ENPP6: variants seen among roughly 807,000 people sequenced by gnomAD.
ENPP6 encodes ectonucleotide pyrophosphatase/phosphodiesterase 6, also known as glycerophosphocholine cholinephosphodiesterase ENPP6.
In ENPP6, 32 loss-of-function variants were observed where a neutral mutation model predicts 42.0. That is an observed-to-expected ratio of 0.76 (90% CI 0.58 to 1.02). ENPP6 has a LOEUF of 1.02. Among genes scored for constraint, ENPP6 ranks in the 50% least tolerant of loss-of-function variants. The pLI is 0.00. For missense variants in ENPP6, 552 were observed against 566.8 expected (o/e 0.97, Z 0.27); for synonymous variants, 213 against 216.0 (o/e 0.99, Z 0.12).
At chr4:184,194,049 G>T (rs1429457838) in intron 1 of ENPP6, among the ~76,000 whole-genome samples, 1 of 152,014 alleles carries the variant, frequency 6.6e-6, no homozygotes, top group Non-Finnish European at 1.5e-5. Flanking sequence ...TGTCTCCTTT[G>T]ATACCTCTTC....
At chr4:184,125,720 G>C (rs1415917948) in intron 2 of ENPP6, among the ~76,000 whole-genome samples, 1 of 152,144 alleles carries the variant, frequency 6.6e-6, no homozygotes, top group Non-Finnish European at 1.5e-5. Flanking sequence ...TACAATCACT[G>C]TGACAGAACT....
chr4:184,217,862 C>G lies in ENPP6; in HGVS notation c.-43G>C, dbSNP rs1313284240. On this transcript the variant is annotated 5_prime_UTR_variant, in exon 1 of 8. Transcript: ENST00000296741. The stretch of plus-strand genomic sequence containing the variant: ...AGAGCCCGGCTGGCACAGCTGTCGC[C>G]TTGCAAAGACTGAGGATGGAGAATC... 6.3e-7 allele frequency: 1 copy of G among 1,595,038 alleles called. No homozygotes were observed. The highest frequency in any genetic ancestry group is 1.8e-5 in the Admixed American group (1 of 56,840).
Position 184,140,508 on chromosome 4 carries a change from A to G in ENPP6, c.421+13046T>C, listed in dbSNP as rs1311084696. Among the ~76,000 whole-genome samples, 11 of 145,988 alleles carry G rather than the reference A, an allele frequency of 7.5e-5. No individual in the cohort carries two copies. The South Asian group carries it at 1.8e-3, about 24-fold the overall frequency. ...CAAACTATACTACAAGGCTACAGTA[A>G]CCAAAACAGCATGGTACTGGTACCA... On this transcript the variant is annotated intron_variant, in intron 2 of 7. Coordinates refer to ENST00000296741, the MANE Select transcript of ENPP6 (RefSeq NM_153343.4).
chr4:184,158,449 G>A (rs927127954), intron 1 of ENPP6, among the ~76,000 whole-genome samples: 1 of 152,192 alleles, frequency 6.6e-6, no homozygotes, highest in Non-Finnish European at 1.5e-5. Context: ...ACTTAAAAAT[G>A]TTTGTCAAAA....
intron 6 of ENPP6, among the ~76,000 whole-genome samples, chr4:184,102,107 T>G (rs1164209049): frequency 1.3e-5 from 2 of 152,220 alleles, no homozygotes; most frequent in Admixed American, 6.5e-5. Flanking sequence ...CAATCATCCT[T>G]AGCATTAAAA....
At chr4:184,142,363 C>T (rs1281146177) in intron 2 of ENPP6, among the ~76,000 whole-genome samples, 1 of 152,202 alleles carries the variant, frequency 6.6e-6, no homozygotes, top group Admixed American at 6.5e-5. Context: ...AACAGCTAAG[C>T]CAATTAACTC....
At chr4:184,157,774 ATTTT>A (rs34358499) in intron 1 of ENPP6, among the ~76,000 whole-genome samples, 7 of 122,360 alleles carry the variant, frequency 5.7e-5, no homozygotes, top group South Asian at 2.7e-4. Flanking sequence ...AACTTGGCTA[ATTTT>A]TTTTTTTTTT....
rs777482804 is a variant in ENPP6 at position 184,097,325 on chromosome 4, C to G, written c.1037G>C (p.Arg346Pro). Residue 346 changes from arginine (R) to proline (P), a missense_variant, in exon 7 of 8, where the codon CGG becomes CCG. Physicochemically the swap from Arg to Pro is moderately radical, Grantham distance 103 (BLOSUM62 -2). Around this residue, in one of 2 missense-constraint regions of ENPP6, gnomAD observed 545 missense variants for 546.3 expected, o/e 1.00. Transcript: ENST00000296741. ...LPFWMNSTGR[R>P]EGWQRGWHGY... ...GTGCCATCCACGCTGCCAACCTTCC[C>G]GCCTGCCGGTGCTGTTCATCCAAAA... 6.2e-7 allele frequency: 1 copy of G among 1,614,204 alleles called. No individual in the cohort carries two copies. The highest frequency in any genetic ancestry group is 8.5e-7 in the Non-Finnish European group (1 of 1,180,028).
intron 1 of ENPP6, among the ~76,000 whole-genome samples, chr4:184,190,399 G>A (rs1002994746): frequency 2.6e-5 from 4 of 152,192 alleles, no homozygotes; most frequent in African/African-American, 9.7e-5. Context: ...CTGGGGAGAA[G>A]AGAGCAGAGA....
At chr4:184,135,068 G>A (rs1736710543) in intron 2 of ENPP6, among the ~76,000 whole-genome samples, 1 of 151,836 alleles carries the variant, frequency 6.6e-6, no homozygotes, top group Non-Finnish European at 1.5e-5. Flanking sequence ...GACACATTCT[G>A]ATGATTTCAG....
chr4:184,099,611 C>T (rs937612903), intron 6 of ENPP6, among the ~76,000 whole-genome samples: 1 of 152,222 alleles, frequency 6.6e-6, no homozygotes, highest in African/African-American at 2.4e-5. Context: ...TGTCATATCA[C>T]ATTGCACAGC....
chr4:184,206,018 T>C (rs11732556), intron 1 of ENPP6, among the ~76,000 whole-genome samples: 25,611 of 151,944 alleles, frequency 0.17, 2,791 homozygotes, highest in Non-Finnish European at 0.25. Flanking sequence ...AACAGAAGCT[T>C]CGCTGGATTT....
At chr4:184,169,999 A>G (rs759109543) in intron 1 of ENPP6, among the ~76,000 whole-genome samples, 17 of 152,202 alleles carry the variant, frequency 1.1e-4, no homozygotes, top group Non-Finnish European at 2.2e-4. Context: ...TCTAGTACTG[A>G]GGTACTTTTA....
chr4:184,153,251 G>A (rs1033751287), intron 2 of ENPP6, among the ~76,000 whole-genome samples: 16 of 151,292 alleles, frequency 1.1e-4, no homozygotes, highest in African/African-American at 3.9e-4. Context: ...TCAGCCTCCC[G>A]AGTAGCTTGG....
chr4:184,179,753 A>G (rs572540320), intron 1 of ENPP6, among the ~76,000 whole-genome samples: 2 of 152,382 alleles, frequency 1.3e-5, no homozygotes, highest in African/African-American at 4.8e-5. Flanking sequence ...AAATTGAGCA[A>G]CCTGCTCCTG....
intron 1 of ENPP6, among the ~76,000 whole-genome samples, chr4:184,172,401 G>A (rs1737484674): frequency 6.6e-6 from 1 of 152,126 alleles, no homozygotes; most frequent in African/African-American, 2.4e-5. Context: ...TAGCAGTCAA[G>A]CCTCCATCAT....
chr4:184,127,949 T>C (rs1269454824), intron 2 of ENPP6, among the ~76,000 whole-genome samples: 1 of 152,000 alleles, frequency 6.6e-6, no homozygotes, highest in Non-Finnish European at 1.5e-5. Context: ...TCATTGTTGA[T>C]GAAGGGAAGG....
intron 6 of ENPP6, among the ~76,000 whole-genome samples, chr4:184,097,995 G>A (rs976041598): frequency 3.9e-5 from 6 of 152,236 alleles, no homozygotes; most frequent in Non-Finnish European, 5.9e-5. Context: ...CCCACGGGGC[G>A]TGCGGTTCCG....
chr4:184,113,170 A>G (rs1736232089), intron 5 of ENPP6, among the ~76,000 whole-genome samples: 1 of 152,232 alleles, frequency 6.6e-6, no homozygotes, highest in South Asian at 2.1e-4. Flanking sequence ...GTGGTTCTGC[A>G]ATGGAATACT....
Sources: allele counts gnomAD v4.1 joint callset (sites outside exome capture counted in the v4.1 genomes callset), GRCh38; gene constraint gnomAD v4.1.1; regional missense constraint gnomAD v4.1.1; transcripts MANE v1.5; gene names NCBI Gene and HGNC (gene_info 2026-07-23, HGNC 2026-07-21).